Variants in AHCYL2 observed in about 807,000 individuals in gnomAD.
AHCYL2 encodes the protein adenosylhomocysteinase like 2.
A neutral mutation model predicts 81.4 loss-of-function variants in AHCYL2; 28 were observed. The ratio of observed to expected loss-of-function variants is 0.34; its 90% CI spans 0.25 to 0.47. AHCYL2 has a LOEUF of 0.47. Ranked by LOEUF, AHCYL2 falls within the 20% of genes least tolerant of loss-of-function variation. The pLI is 1.00. For synonymous variants in AHCYL2, 272 were observed against 290.2 expected (o/e 0.94, Z 0.64); for missense variants, 551 against 785.1 (o/e 0.70, Z 3.56).
At chr7:129,351,894 A>G (rs1347687267) in intron 1 of AHCYL2, among the ~76,000 whole-genome samples, 2 of 152,236 alleles carry the variant, frequency 1.3e-5, no homozygotes, top group East Asian at 3.8e-4. Flanking sequence ...TATATAAGCA[A>G]TGATAGGTAA....
chr7:129,264,140 GCCT>G (rs1795735956), intron 1 of AHCYL2, among the ~76,000 whole-genome samples: 2 of 152,178 alleles, frequency 1.3e-5, no homozygotes, highest in Admixed American at 6.5e-5. Context: ...TCCTGCTTCA[GCCT>G]CCTAAGTAGC....
intron 1 of AHCYL2, among the ~76,000 whole-genome samples, chr7:129,237,678 C>T (rs1325611421): frequency 6.6e-6 from 1 of 151,944 alleles, no homozygotes; most frequent in Non-Finnish European, 1.5e-5. Flanking sequence ...CTGCATTATA[C>T]TAAGTTAGAA....
intron 1 of AHCYL2, among the ~76,000 whole-genome samples, chr7:129,249,667 C>T (rs1305096691): frequency 6.6e-6 from 1 of 152,092 alleles, no homozygotes. Context: ...CCTCATGATC[C>T]ACCCGCCTCG....
chr7:129,270,055 T>A (rs1438422941), intron 1 of AHCYL2, among the ~76,000 whole-genome samples: 1 of 152,220 alleles, frequency 6.6e-6, no homozygotes, highest in East Asian at 1.9e-4. Flanking sequence ...TATTTAATTT[T>A]ACAGTGTTTG....
intron 12 of AHCYL2, among the ~76,000 whole-genome samples, chr7:129,415,268 A>T (rs1359239845): frequency 2.0e-5 from 3 of 152,218 alleles, no homozygotes; most frequent in Non-Finnish European, 4.4e-5. Flanking sequence ...GGAAAGGCCT[A>T]AAGGGAAGTA....
Position 129,422,888 on chromosome 7 carries a change from G to A in AHCYL2, c.1510G>A (p.Val504Ile). ...GACCTGGGAGCGAGTGAGATCTCAA[G>A]TTGACCATGTGATATGGCCTGATGG... ...ELTWERVRSQ[V>I]DHVIWPDGKR... The change falls in exon 13 of 17, where the codon GTT (valine) becomes ATT (isoleucine). Residue 504 changes from valine (V) to isoleucine (I), a missense_variant. Val to Ile is a conservative substitution (Grantham distance 29). This residue lies in a region of AHCYL2 where 316 missense variants were observed against 543.1 expected (regional missense o/e 0.58). Coordinates refer to ENST00000325006, the MANE Select transcript of AHCYL2 (RefSeq NM_015328.4). 1 of 1,614,144 alleles carries A rather than the reference G, an allele frequency of 6.2e-7. No individual in the cohort carries two copies. The highest frequency in any genetic ancestry group is 8.5e-7 in the Non-Finnish European group (1 of 1,180,026).
chr7:129,292,926 G>A (rs988925157), intron 1 of AHCYL2, among the ~76,000 whole-genome samples: 1 of 152,172 alleles, frequency 6.6e-6, no homozygotes, highest in Non-Finnish European at 1.5e-5. Context: ...ATTGCTTTGG[G>A]AATGATAGTA....
chr7:129,405,068 T>G, intron 7 of AHCYL2, 29 bp from the exon 8 acceptor site: 1 of 1,489,210 alleles, frequency 6.7e-7, no homozygotes, highest in Non-Finnish European at 9.1e-7. Flanking sequence ...GTCCTGGTGT[T>G]TTTTGTTCTT....
chr7:129,225,260 G>A lies in AHCYL2; in HGVS notation c.184G>A (p.Val62Ile). The change falls in exon 1 of 17, where the codon GTC (valine) becomes ATC (isoleucine). Residue 62 changes from valine to isoleucine, a missense_variant. Val to Ile is a conservative substitution (Grantham distance 29). This residue lies in a region of AHCYL2 where 235 missense variants were observed against 242.1 expected (regional missense o/e 0.97). Coordinates refer to ENST00000325006, the MANE Select transcript of AHCYL2 (RefSeq NM_015328.4). ...AGCTCCCGCCGCGGAGCGGCCCCCG[G>A]TCCCCGGCCCGGGCTCGGGGCCCGC... ...APAPAAERPP[V>I]PGPGSGPAAA... The A allele has an allele frequency of 2.1e-6, 3 of 1,456,596 alleles. No individual in the cohort carries two copies. Among genetic ancestry groups the A allele is most frequent in the Non-Finnish European group, 2.7e-6 (3 of 1,113,804 alleles). 90.2% of individuals were successfully genotyped at this position (1,456,596 alleles called of 1,614,324 possible).
chr7:129,233,881 T>C (rs1794539639), intron 1 of AHCYL2, among the ~76,000 whole-genome samples: 1 of 152,158 alleles, frequency 6.6e-6, no homozygotes, highest in Non-Finnish European at 1.5e-5. Flanking sequence ...AATTCCTTCA[T>C]TCTTTTACCT....
chr7:129,403,133 C>T (rs558338381), intron 6 of AHCYL2, among the ~76,000 whole-genome samples: 42 of 151,982 alleles, frequency 2.8e-4, no homozygotes, highest in Non-Finnish European at 4.6e-4. Flanking sequence ...AGATATGTCA[C>T]GGGGAGGGTC....
At chr7:129,321,022 A>T (rs192326769) in intron 1 of AHCYL2, among the ~76,000 whole-genome samples, 19 of 152,346 alleles carry the variant, frequency 1.2e-4, no homozygotes, top group Non-Finnish European at 2.9e-5. Flanking sequence ...CAATGTCTGT[A>T]TCTTAACCTT....
At chr7:129,323,253 C>T (rs936949322) in intron 1 of AHCYL2, among the ~76,000 whole-genome samples, 2 of 151,988 alleles carry the variant, frequency 1.3e-5, no homozygotes, top group Non-Finnish European at 2.9e-5. Flanking sequence ...GCTTTAGGTG[C>T]ATTTTTGATT....
chr7:129,289,310 T>A (rs1796752707), intron 1 of AHCYL2, among the ~76,000 whole-genome samples: 1 of 152,192 alleles, frequency 6.6e-6, no homozygotes, highest in Non-Finnish European at 1.5e-5. Context: ...TAGGCTCGTC[T>A]TGAACTCCTG....
At chr7:129,254,970 G>T (rs1303221141) in intron 1 of AHCYL2, among the ~76,000 whole-genome samples, 1 of 152,146 alleles carries the variant, frequency 6.6e-6, no homozygotes, top group Non-Finnish European at 1.5e-5. Flanking sequence ...TTTTCTAATA[G>T]TAGCTACATT....
intron 12 of AHCYL2, among the ~76,000 whole-genome samples, chr7:129,418,464 A>G (rs1011794807): frequency 2.0e-5 from 3 of 151,960 alleles, no homozygotes; most frequent in Admixed American, 6.6e-5. Flanking sequence ...CACGCCTGGC[A>G]GATTTTTTGT....
intron 8 of AHCYL2, 40 bp downstream of exon 8, chr7:129,405,253 G>A (rs773713455): frequency 1.4e-6 from 2 of 1,471,076 alleles, no homozygotes; most frequent in Non-Finnish European, 1.9e-6. Flanking sequence ...GTGATGTCCA[G>A]TTGAGATTCT....
rs368062146 is a variant in AHCYL2, at chr7:129,313,244, A to G, written c.364-66394A>G. On this transcript the variant is annotated intron_variant, in intron 1 of 16. Transcript: ENST00000325006. ...GGATTCAGAAATTGAAGAAAATCTC[A>G]TGTTGTATTTTTGTTTTTAGAGAAT... Among the ~76,000 whole-genome samples the G allele has an allele frequency of 3.3e-5, 5 of 152,344 alleles. No homozygotes were observed. In the East Asian group the frequency reaches 9.6e-4, roughly 29 times the overall value.
intron 1 of AHCYL2, among the ~76,000 whole-genome samples, chr7:129,374,138 T>C (rs553835919): frequency 6.6e-6 from 1 of 152,236 alleles, no homozygotes; most frequent in Admixed American, 6.5e-5. Context: ...TAAATAAATT[T>C]AAAGATAAAA....
Sources: allele counts gnomAD v4.1 joint callset (sites outside exome capture counted in the v4.1 genomes callset), GRCh38; gene constraint gnomAD v4.1.1; regional missense constraint gnomAD v4.1.1; transcripts MANE v1.5; gene names NCBI Gene and HGNC (gene_info 2026-07-23, HGNC 2026-07-21).